Variants in QSER1 observed in about 807,000 individuals in gnomAD.
The protein encoded by QSER1 is glutamine and serine-rich protein 1.
In QSER1, 49 loss-of-function variants were observed where a neutral mutation model predicts 158.5. The observed-to-expected ratio is 0.31, with a 90% confidence interval of 0.25 to 0.39. The LOEUF (loss-of-function observed/expected upper bound fraction) is 0.39. Ranked by LOEUF, QSER1 falls within the 10% of genes least tolerant of loss-of-function variation. QSER1 has a pLI of 1.00. For synonymous variants in QSER1, 650 were observed against 715.5 expected (o/e 0.91, Z 1.46); for missense variants, 1,754 against 2,010.3 (o/e 0.87, Z 2.44).
chr11:32,935,237 A>C lies in QSER1; in HGVS notation c.3979A>C (p.Thr1327Pro). 6.2e-7 allele frequency: 1 copy of C among 1,614,008 alleles called. No homozygotes were observed. Among genetic ancestry groups the C allele is most frequent in the Non-Finnish European group, 8.5e-7 (1 of 1,179,938 alleles). Residue 1327 changes from threonine (T) to proline (P), a missense_variant, in exon 4 of 13, where the codon ACA becomes CCA. By Grantham distance (38) the Thr-to-Pro change is conservative. Around this residue, in one of 2 missense-constraint regions of QSER1, gnomAD observed 1,707 missense variants for 1,919.6 expected, o/e 0.89. Transcript: ENST00000650167. ...CPPPLPKPSSTTPTPLVSETG... is the reference protein window; with the variant it reads ...CPPPLPKPSSPTPTPLVSETG... ...CCCACCACTTCCCAAGCCTTCATCT[A>C]CAACACCCACACCTTTAGTGTCTGA...
chr11:32,954,051 G>C lies in QSER1; in HGVS notation c.4372G>C (p.Ala1458Pro). 6.2e-7 allele frequency: 1 copy of C among 1,614,164 alleles called. No homozygotes were observed. Residue 1458 changes from alanine to proline, a missense_variant, in exon 5 of 13, where the codon GCA becomes CCA. Transcript: ENST00000650167. ...ELDGLPSDQF[A>P]KGQDTVAIEG... ...TGATGGTCTTCCTTCAGACCAGTTT[G>C]CAAAAGGACAGGACACTGTTGCCAT...
Position 32,934,046 on chromosome 11 carries a change from T to A in QSER1, c.2788T>A (p.Ser930Thr). The stretch of plus-strand genomic sequence containing the variant: ...AGTTATGAAAATGGACCTCTCTGAG[T>A]CTTCAAAACCATTACAACAACATCT... ...SEVMKMDLSE[S>T]SKPLQQHLTT... Residue 930 changes from serine to threonine, a missense_variant, in exon 4 of 13, where the codon TCT becomes ACT. Ser to Thr is a moderately conservative substitution (Grantham distance 58). Coordinates refer to ENST00000650167, the MANE Select transcript of QSER1 (RefSeq NM_001076786.3). 1 of 1,613,752 alleles carries A rather than the reference T, an allele frequency of 6.2e-7. No individual in the cohort carries two copies. The highest frequency in any genetic ancestry group is 1.1e-5 in the South Asian group (1 of 91,018).
At chr11:32,944,462 C>T (rs878942601) in intron 4 of QSER1, among the ~76,000 whole-genome samples, 18 of 151,688 alleles carry the variant, frequency 1.2e-4, no homozygotes, top group African/African-American at 4.1e-4. Context: ...TTTCAAAGAA[C>T]GTCTTTATTT....
chr11:32,970,871 A>C (rs746714894), intron 10 of QSER1, among the ~76,000 whole-genome samples: 45 of 152,082 alleles, frequency 3.0e-4, no homozygotes, highest in Non-Finnish European at 6.6e-4. Context: ...TTGAAATGTC[A>C]AACCAGTTCT....
rs764708393 is a variant in QSER1 at position 32,934,798 on chromosome 11, T to C, written c.3540T>C (p.Ser1180=). 8.7e-6 allele frequency: 14 copies of C among 1,613,924 alleles called. No individual in the cohort carries two copies. Among genetic ancestry groups the C allele is most frequent in the Non-Finnish European group, 1.2e-5 (14 of 1,180,006 alleles). Residue 1180 remains serine (S), a synonymous_variant, in exon 4 of 13, where the codon TCT becomes TCC. Coordinates refer to ENST00000650167, the MANE Select transcript of QSER1 (RefSeq NM_001076786.3). ...TTGCACTGTTGGCCATGGCCCAATCTGGGGATGCAGTCAGTGTCAAGATTG... is the reference window on the plus strand; with the variant it reads ...TTGCACTGTTGGCCATGGCCCAATCCGGGGATGCAGTCAGTGTCAAGATTG... ...SALALLAMAQ[S]GDAVSVKIEE... is the part of the protein sequence containing the mutation.
chr11:32,920,600 A>G (rs531123560), intron 1 of QSER1, among the ~76,000 whole-genome samples: 2 of 152,342 alleles, frequency 1.3e-5, no homozygotes, highest in East Asian at 1.9e-4. Context: ...ATGGAAAACA[A>G]TGTTAAAAAT....
rs1368668253 is a variant in QSER1 at position 32,975,238 on chromosome 11, C to T, written c.5359-10C>T. The T allele has an allele frequency of 5.3e-6, 8 of 1,516,444 alleles. No individual in the cohort carries two copies. Among genetic ancestry groups the T allele is most frequent in the African/African-American group, 1.4e-5 (1 of 71,362 alleles). The allele number at this position is 1,516,444 out of a possible 1,614,324, so 93.9% of individuals were successfully genotyped here. On this transcript the variant is annotated splice_polypyrimidine_tract_variant and intron_variant, in intron 11 of 12. Transcript: ENST00000650167. The stretch of plus-strand genomic sequence containing the variant: ...ATGAAATGTATCTATAAACTTTTTT[C>T]TTTTTATAGGAGTTTGCTGTCGATC...
intron 10 of QSER1, among the ~76,000 whole-genome samples, chr11:32,973,071 G>A (rs1442610954): frequency 6.6e-6 from 1 of 152,222 alleles, no homozygotes; most frequent in Non-Finnish European, 1.5e-5. Context: ...GCCCTGTTAA[G>A]GGTTCCCAGT....
At position 32,957,898 on chromosome 11, in the gene QSER1, G is replaced by A. The variant is rs1852548456; in HGVS notation, c.4781G>A (p.Ser1594Asn). The A allele has an allele frequency of 6.2e-7, 1 of 1,614,096 alleles. No homozygotes were observed. The highest frequency in any genetic ancestry group is 8.5e-7 in the Non-Finnish European group (1 of 1,179,998). The change falls in exon 8 of 13, where the codon AGT (serine) becomes AAT (asparagine). Residue 1594 changes from serine to asparagine, a missense_variant. Ser to Asn is a conservative substitution (Grantham distance 46). This residue lies in a region of QSER1 where 1,707 missense variants were observed against 1,919.6 expected (regional missense o/e 0.89). Coordinates refer to ENST00000650167, the MANE Select transcript of QSER1 (RefSeq NM_001076786.3). ...GTTCAAGCTAAGCCAAGTAGTAGCA[G>A]TAAAACTTCTGATCCTCTAGCATCA... ...RTVQAKPSSS[S>N]KTSDPLASKT...
At chr11:32,900,359 A>C (rs2133489233) in intron 1 of QSER1, among the ~76,000 whole-genome samples, 1 of 152,194 alleles carries the variant, frequency 6.6e-6, no homozygotes, top group Non-Finnish European at 1.5e-5. Context: ...AGGAGTTCAA[A>C]ACCAGCCTGG....
Position 32,893,985 on chromosome 11 carries a change from G to C in QSER1, c.209+651G>C, listed in dbSNP as rs930367917. ...TTCCACGCGTTCAAAGTTGCTCTTA[G>C]GTTTCCTCCCCTTTTAACAACAGCA... is the stretch of plus-strand genomic sequence containing the variant. On this transcript the variant is annotated intron_variant, in intron 1 of 12. Transcript: ENST00000650167. The surrounding 1 kb of genome is among the most constrained non-coding windows in gnomAD (Gnocchi z 4.7). 1.3e-5 allele frequency among the ~76,000 whole-genome samples: 2 copies of C among 152,032 alleles called. No homozygotes were observed. The highest frequency in any genetic ancestry group is 1.3e-4 in the Admixed American group (2 of 15,272).
At chr11:32,915,009 T>C (rs1310052821) in intron 1 of QSER1, among the ~76,000 whole-genome samples, 1 of 152,274 alleles carries the variant, frequency 6.6e-6, no homozygotes, top group East Asian at 1.9e-4. Flanking sequence ...AGCCTTGACC[T>C]GCTGGGCTCA....
chr11:32,955,461 A>C, intron 6 of QSER1, 49 bp downstream of exon 6: 1 of 865,358 alleles, frequency 1.2e-6, no homozygotes, highest in South Asian at 1.6e-5. Flanking sequence ...AGTGGTCCTG[A>C]GAAAAACAAT....
intron 1 of QSER1, among the ~76,000 whole-genome samples, chr11:32,922,426 A>T (rs541167349): frequency 2.0e-5 from 3 of 151,884 alleles, no homozygotes; most frequent in African/African-American, 7.3e-5. Flanking sequence ...TTTACTAAAG[A>T]TTTCTACATG....
intron 12 of QSER1, among the ~76,000 whole-genome samples, chr11:32,975,941 G>T (rs755665684): frequency 6.6e-6 from 1 of 152,144 alleles, no homozygotes; most frequent in Non-Finnish European, 1.5e-5. Context: ...CATTATAAAG[G>T]GTCCAAGGCT....
chr11:32,930,153 G>A (rs936620244), intron 3 of QSER1, among the ~76,000 whole-genome samples: 18 of 151,944 alleles, frequency 1.2e-4, no homozygotes, highest in Non-Finnish European at 2.1e-4. Context: ...ACCCCCCACC[G>A]CAACACACAC....
chr11:32,974,429 A>AG (rs1434815139), intron 11 of QSER1, among the ~76,000 whole-genome samples: 1 of 151,972 alleles, frequency 6.6e-6, no homozygotes, highest in African/African-American at 2.4e-5. Flanking sequence ...CTGTCTCAAA[A>AG]AAAAAAAAAA....
chr11:32,907,445 A>C (rs1851708943), intron 1 of QSER1, among the ~76,000 whole-genome samples: 1 of 152,258 alleles, frequency 6.6e-6, no homozygotes, highest in Non-Finnish European at 1.5e-5. Context: ...AATAATACAT[A>C]AAATTGTGTT....
intron 1 of QSER1, among the ~76,000 whole-genome samples, chr11:32,904,668 A>C (rs1175980749): frequency 1.6e-5 from 2 of 128,602 alleles, no homozygotes; most frequent in African/African-American, 6.1e-5. Context: ...CAGTTTTTTC[A>C]CTGTTCCTAA....
Sources: allele counts gnomAD v4.1 joint callset (sites outside exome capture counted in the v4.1 genomes callset), GRCh38; gene constraint gnomAD v4.1.1; regional missense constraint gnomAD v4.1.1; non-coding constraint Gnocchi (gnomAD v3.1); transcripts MANE v1.5; gene names NCBI Gene and HGNC (gene_info 2026-07-23, HGNC 2026-07-21).